Variants in TNRC18 observed in about 807,000 individuals in gnomAD.
TNRC18 encodes trinucleotide repeat containing 18, also known as trinucleotide repeat-containing gene 18 protein.
Under a neutral mutation model 226.7 loss-of-function variants are expected in TNRC18, and 69 were observed. The ratio of observed to expected loss-of-function variants is 0.30; its 90% CI spans 0.25 to 0.37. The LOEUF is 0.37. Among genes scored for constraint, TNRC18 ranks in the 10% least tolerant of loss-of-function variants. The pLI is 1.00. For synonymous variants in TNRC18, 2,449 were observed against 1,927.6 expected (o/e 1.27, Z -7.09); for missense variants, 4,754 against 4,256.6 (o/e 1.12, Z -3.25).
At position 5,320,547 on chromosome 7, in the gene TNRC18, C is replaced by T; in HGVS notation, c.6621G>A (p.Gln2207=). The T allele has an allele frequency of 6.2e-7, 1 of 1,611,118 alleles. No individual in the cohort carries two copies. The highest frequency in any genetic ancestry group is 1.3e-5 in the African/African-American group (1 of 74,950). The change falls in exon 23 of 30, where the codon CAG becomes CAA. Residue 2207 remains glutamine (Q), a synonymous_variant. Transcript: ENST00000430969. The stretch of plus-strand genomic sequence containing the variant: ...CCCCCCTCACCGCCTCCTGCAGCAA[C>T]TGCTCCAGACAGTAGATGTGGGGCC... ...GNRPHIYCLE[Q]LLQEAIIDVR... is the part of the protein sequence containing the mutation.
chr7:5,416,608 C>A (rs1782205308), intron 2 of TNRC18, among the ~76,000 whole-genome samples: 1 of 151,292 alleles, frequency 6.6e-6, no homozygotes, highest in South Asian at 2.1e-4. Context: ...GTAATCCCAG[C>A]ACTTTGGGAG....
intron 1 of TNRC18, chr7:5,422,643 GC>G (rs1252125441): frequency 2.0e-5 from 3 of 152,160 alleles, no homozygotes; most frequent in Non-Finnish European, 4.4e-5. Flanking sequence ...TCCGCGCCCA[GC>G]CCCCCGAGCA....
intron 18 of TNRC18, among the ~76,000 whole-genome samples, chr7:5,336,852 A>C (rs1395565179): frequency 6.6e-6 from 1 of 152,254 alleles, no homozygotes; most frequent in African/African-American, 2.4e-5. Flanking sequence ...TAAGCGAGTG[A>C]GTTTATGAGT....
chr7:5,377,621 G>C lies in TNRC18; in HGVS notation c.2256-45C>G, dbSNP rs74916630. 5.8e-3 allele frequency: 8,824 copies of C among 1,523,734 alleles called. 32 individuals are homozygous for C. Among genetic ancestry groups the C allele is most frequent in the Non-Finnish European group, 6.8e-3 (7,688 of 1,125,668 alleles). The allele number at this position is 1,523,734 out of a possible 1,614,324, so 94.4% of individuals were successfully genotyped here. On this transcript the variant is annotated intron_variant, in intron 6 of 29. Transcript: ENST00000430969. This position sits in a 1 kb window ranked among gnomAD's most constrained non-coding sequence, Gnocchi z 5.8. ...TGTCAGCGACAGCTCGGACAGCCCA[G>C]GGGACGAGAGGGAGAAGCGGGGTTG...
chr7:5,317,165 G>C (rs1583747281), intron 24 of TNRC18, among the ~76,000 whole-genome samples: 1 of 152,210 alleles, frequency 6.6e-6, no homozygotes, highest in Middle Eastern at 3.4e-3. Context: ...TGAGTGCACA[G>C]AGCTCCCATC....
At chr7:5,346,225 C>A (rs1198608269) in intron 17 of TNRC18, among the ~76,000 whole-genome samples, 1 of 152,130 alleles carries the variant, frequency 6.6e-6, no homozygotes, top group South Asian at 2.1e-4. Flanking sequence ...GAGGTGAGCA[C>A]GGAAGAGGGC....
At chr7:5,362,121 G>A (rs952239791) in intron 12 of TNRC18, 88 bp from the exon 13 acceptor site, 1 of 1,505,460 alleles carries the variant, frequency 6.6e-7, no homozygotes, top group Non-Finnish European at 9.0e-7. Flanking sequence ...CCCTGAGGAA[G>A]GGGAGACTGC....
At chr7:5,344,718 G>C (rs1554279441) in intron 18 of TNRC18, among the ~76,000 whole-genome samples, 1 of 152,138 alleles carries the variant, frequency 6.6e-6, no homozygotes, top group Non-Finnish European at 1.5e-5. Flanking sequence ...TCCCCTGCTG[G>C]GGCCAGGGGA....
At chr7:5,390,258 G>T (rs1562603618) in intron 4 of TNRC18, 7 of 558,372 alleles carry the variant, frequency 1.3e-5, no homozygotes, top group Non-Finnish European at 2.2e-5. Context: ...CCAGCTACTT[G>T]GGGGGCTGAG....
chr7:5,313,484 G>C lies in TNRC18; in HGVS notation c.7407C>G (p.Val2469=). 1 of 1,613,286 alleles carries C rather than the reference G, an allele frequency of 6.2e-7. No individual in the cohort carries two copies. Among genetic ancestry groups the C allele is most frequent in the Non-Finnish European group, 8.5e-7 (1 of 1,179,550 alleles). ...ELLVKLDHEG[V]TSPKSKKAKE... ...TAGCCTTCTTGCTTTTGGGTGACGT[G>C]ACACCCTCGTGGTCCAGTTTGACAA... Residue 2469 remains valine (V), a synonymous_variant, in exon 27 of 30, where the codon GTC becomes GTG. Coordinates refer to ENST00000430969, the MANE Select transcript of TNRC18 (RefSeq NM_001080495.3).
At chr7:5,409,539 T>C (rs1781701843) in intron 2 of TNRC18, among the ~76,000 whole-genome samples, 1 of 151,426 alleles carries the variant, frequency 6.6e-6, no homozygotes, top group African/African-American at 2.4e-5. Context: ...CAGTGAGCAG[T>C]GATTGCACCA....
intron 2 of TNRC18, among the ~76,000 whole-genome samples, chr7:5,395,514 C>T (rs1780613479): frequency 6.6e-6 from 1 of 152,224 alleles, no homozygotes; most frequent in Admixed American, 6.5e-5. Flanking sequence ...CCACGAGCCC[C>T]AAACGCCATC....
At chr7:5,350,279 T>C (rs1460378733) in intron 17 of TNRC18, among the ~76,000 whole-genome samples, 2 of 151,212 alleles carry the variant, frequency 1.3e-5, no homozygotes, top group Non-Finnish European at 2.9e-5. Context: ...CTCAGAGGGG[T>C]AGTAGCAGCC....
At chr7:5,387,228 T>G (rs1779859228) in intron 5 of TNRC18, among the ~76,000 whole-genome samples, 1 of 152,220 alleles carries the variant, frequency 6.6e-6, no homozygotes, top group South Asian at 2.1e-4. Flanking sequence ...CCAGTTTCTG[T>G]CTGTTCCTCA....
At chr7:5,320,689 C>A in intron 22 of TNRC18, 82 bp from the exon 23 acceptor site, 1 of 1,191,098 alleles carries the variant, frequency 8.4e-7, no homozygotes. Context: ...AGCACTGCCT[C>A]CTAGACCACT....
chr7:5,323,658 C>A (rs1183837217), intron 21 of TNRC18, among the ~76,000 whole-genome samples: 2 of 151,586 alleles, frequency 1.3e-5, no homozygotes, highest in African/African-American at 4.9e-5. Flanking sequence ...ACCTCCGCCT[C>A]CTGGTTTCAA....
At chr7:5,415,695 C>T (rs1029765734) in intron 2 of TNRC18, among the ~76,000 whole-genome samples, 18 of 151,558 alleles carry the variant, frequency 1.2e-4, no homozygotes, top group Non-Finnish European at 1.5e-5. Context: ...TAAGACTCCA[C>T]GGTGTAGTTT....
chr7:5,391,862 GTT>G (rs34788590), intron 3 of TNRC18, among the ~76,000 whole-genome samples: 2 of 138,376 alleles, frequency 1.4e-5, no homozygotes, highest in Non-Finnish European at 3.1e-5. Context: ...AATTTAAATA[GTT>G]TTTTTTTTTT....
At chr7:5,363,966 A>G (rs1793349858) in intron 11 of TNRC18, among the ~76,000 whole-genome samples, 2 of 152,226 alleles carry the variant, frequency 1.3e-5, no homozygotes, top group Non-Finnish European at 2.9e-5. Context: ...ATGATTATGC[A>G]TATTCAAATG....
Sources: gnomAD v4.1 joint callset for allele counts (sites outside exome capture counted in the v4.1 genomes callset) on GRCh38, gnomAD v4.1.1 for gene constraint, Gnocchi (gnomAD v3.1) non-coding constraint, MANE v1.5 for transcripts, NCBI Gene and HGNC (gene_info 2026-07-23, HGNC 2026-07-21) for gene names.